GRIP1: variants seen among roughly 807,000 people sequenced by gnomAD.
GRIP1 encodes the protein glutamate receptor-interacting protein 1.
A neutral mutation model predicts 129.9 loss-of-function variants in GRIP1; 45 were observed. The ratio of observed to expected loss-of-function variants is 0.35; its 90% CI spans 0.27 to 0.44. GRIP1 has a LOEUF of 0.44. GRIP1 is among the 20% of genes least tolerant of loss of function. GRIP1 has a pLI of 1.00. For missense variants in GRIP1, 1,196 were observed against 1,396.8 expected (o/e 0.86, Z 2.29); for synonymous variants, 530 against 520.8 (o/e 1.02, Z -0.24).
intron 1 of GRIP1, among the ~76,000 whole-genome samples, chr12:66,723,218 CT>C (rs1565987631): frequency 1.0e-4 from 5 of 49,514 alleles, no homozygotes; most frequent in African/African-American, 5.6e-4. Context: ...TTCTTTCTTT[CT>C]TTCTTTCTCT....
chr12:67,012,068 T>A (rs2042716730), intron 1 of GRIP1, among the ~76,000 whole-genome samples: 1 of 152,182 alleles, frequency 6.6e-6, no homozygotes, highest in African/African-American at 2.4e-5. Flanking sequence ...TCTAGAAAAG[T>A]GCCTGGCACA....
In GRIP1 at chr12:66,525,658, G is replaced by A. The variant is rs200571366; in HGVS notation, c.502+4173C>T. Among the ~76,000 whole-genome samples, 724 of 149,798 alleles carry A rather than the reference G, an allele frequency of 4.8e-3. 2 individuals carry two copies. Among genetic ancestry groups the A allele is most frequent in the East Asian group, 0.032 (146 of 4,540 alleles). On this transcript the variant is annotated intron_variant, in intron 5 of 24. Transcript: ENST00000359742. ...CCCTCTCTCACCACTCCTATTAAAC[G>A]TAGTGTTGGAAGTTCTGGCCAGGGC...
intron 1 of GRIP1, among the ~76,000 whole-genome samples, chr12:67,033,170 C>T (rs2043047208): frequency 1.3e-5 from 2 of 151,476 alleles, no homozygotes; most frequent in South Asian, 4.2e-4. Flanking sequence ...CTAATTATTC[C>T]TAGCTATATA....
chr12:66,788,206 T>C (rs1566022633), intron 1 of GRIP1, among the ~76,000 whole-genome samples: 1 of 152,120 alleles, frequency 6.6e-6, no homozygotes, highest in South Asian at 2.1e-4. Flanking sequence ...GAGACTCTTT[T>C]TTGTTAAATA....
At chr12:67,050,361 T>C (rs962682242) in intron 1 of GRIP1, among the ~76,000 whole-genome samples, 5 of 151,226 alleles carry the variant, frequency 3.3e-5, no homozygotes, top group East Asian at 1.9e-4. Flanking sequence ...ATAATTAGAT[T>C]GATATAGGAC....
At chr12:66,399,037 G>T (rs78159965) in intron 16 of GRIP1, among the ~76,000 whole-genome samples, 21 of 152,074 alleles carry the variant, frequency 1.4e-4, no homozygotes, top group Non-Finnish European at 2.2e-4. Flanking sequence ...TGTAGTCATT[G>T]GTTCCCAGGC....
chr12:66,916,593 T>G (rs1303925015), intron 1 of GRIP1, among the ~76,000 whole-genome samples: 1 of 152,196 alleles, frequency 6.6e-6, no homozygotes, highest in African/African-American at 2.4e-5. Flanking sequence ...TATTATTTTT[T>G]TAAATGCAAA....
chr12:66,902,790 T>C (rs2040864054), intron 1 of GRIP1, among the ~76,000 whole-genome samples: 1 of 152,224 alleles, frequency 6.6e-6, no homozygotes, highest in South Asian at 2.1e-4. Flanking sequence ...AGAGCTTGTA[T>C]TTCGAATGAA....
chr12:67,003,906 T>C (rs1406905275), intron 1 of GRIP1, among the ~76,000 whole-genome samples: 1 of 152,186 alleles, frequency 6.6e-6, no homozygotes, highest in Non-Finnish European at 1.5e-5. Context: ...ACTAGAAGCC[T>C]GGAATCACAC....
chr12:66,918,551 G>A (rs1175308475), intron 1 of GRIP1, among the ~76,000 whole-genome samples: 1 of 152,026 alleles, frequency 6.6e-6, no homozygotes, highest in Non-Finnish European at 1.5e-5. Context: ...ACTCCCTTTT[G>A]TTCTGTACTT....
chr12:67,062,335 C>G (rs1301574360), intron 1 of GRIP1, among the ~76,000 whole-genome samples: 1 of 152,198 alleles, frequency 6.6e-6, no homozygotes, highest in African/African-American at 2.4e-5. Flanking sequence ...TGTTCATACT[C>G]TACACTCCAT....
chr12:66,974,589 G>A (rs7302756), intron 1 of GRIP1, among the ~76,000 whole-genome samples: 85,498 of 151,984 alleles, frequency 0.56, 24,785 homozygotes, highest in Non-Finnish European at 0.62. Context: ...ATTTAAACAC[G>A]GATATTGTTC....
intron 1 of GRIP1, among the ~76,000 whole-genome samples, chr12:67,026,595 G>A (rs537330918): frequency 7.9e-5 from 12 of 152,200 alleles, no homozygotes; most frequent in South Asian, 2.1e-4. Flanking sequence ...CCAGCTTTTC[G>A]GCTCTCTGTA....
chr12:66,620,781 C>G (rs554185782), intron 1 of GRIP1, among the ~76,000 whole-genome samples: 1 of 151,944 alleles, frequency 6.6e-6, no homozygotes, highest in African/African-American at 2.4e-5. Context: ...CCCCCCCAAC[C>G]CCTCCCCCCC....
At chr12:66,902,625 T>C (rs1470665566) in intron 1 of GRIP1, among the ~76,000 whole-genome samples, 1 of 152,226 alleles carries the variant, frequency 6.6e-6, no homozygotes, top group Non-Finnish European at 1.5e-5. Context: ...CTTCGGAATA[T>C]TGCAAAAGAG....
chr12:66,425,521 C>T (rs1261070270), intron 14 of GRIP1, among the ~76,000 whole-genome samples: 1 of 152,116 alleles, frequency 6.6e-6, no homozygotes, highest in Admixed American at 6.6e-5. Flanking sequence ...GACACATGCA[C>T]ACGTATGTTT....
At chr12:66,763,289 G>A (rs1340706104) in intron 1 of GRIP1, among the ~76,000 whole-genome samples, 1 of 152,070 alleles carries the variant, frequency 6.6e-6, no homozygotes, top group East Asian at 1.9e-4. Context: ...AGACACCCTT[G>A]CAATCCATTC....
intron 1 of GRIP1, among the ~76,000 whole-genome samples, chr12:66,838,829 G>A (rs2137041587): frequency 6.6e-6 from 1 of 152,284 alleles, no homozygotes; most frequent in East Asian, 1.9e-4. Flanking sequence ...ATAGGCACAA[G>A]GATCACAGAA....
At chr12:66,595,503 T>A (rs1306303898) in intron 2 of GRIP1, among the ~76,000 whole-genome samples, 1 of 152,226 alleles carries the variant, frequency 6.6e-6, no homozygotes, top group Non-Finnish European at 1.5e-5. Flanking sequence ...TACCAGTGAA[T>A]GTAGGGTAGC....
Sources: allele counts gnomAD v4.1 joint callset (sites outside exome capture counted in the v4.1 genomes callset), GRCh38; gene constraint gnomAD v4.1.1; transcripts MANE v1.5; gene names NCBI Gene and HGNC (gene_info 2026-07-23, HGNC 2026-07-21).